The following FOXK1 variants were observed in gnomAD, a reference collection of about 807,000 sequenced individuals.
The protein encoded by FOXK1 is forkhead box protein K1.
A neutral mutation model predicts 51.9 loss-of-function variants in FOXK1; 19 were observed. That is an observed-to-expected ratio of 0.37 (90% CI 0.26 to 0.54). The LOEUF (loss-of-function observed/expected upper bound fraction) is 0.54, where lower values mean the gene tolerates loss of function less well. Ranked by LOEUF, FOXK1 falls within the 20% of genes least tolerant of loss-of-function variation. The pLI is 0.87. For missense variants in FOXK1, 870 were observed against 1,032.7 expected, an observed-to-expected ratio of 0.84 and a Z score of 2.16; for synonymous variants, 537 against 482.6, an observed-to-expected ratio of 1.11 and a Z score of -1.48.
rs34815763 is a variant in FOXK1, at chr7:4,743,879, CTT to C, written c.746+2870_746+2871del. On this transcript the variant is annotated intron_variant, in intron 2 of 8. Coordinates refer to ENST00000328914, the MANE Select transcript of FOXK1 (RefSeq NM_001037165.2). The surrounding 1 kb of genome is among the most constrained non-coding windows in gnomAD (Gnocchi z 5.3). The stretch of plus-strand genomic sequence containing the variant: ...AGGTTGTAATCCAGCTAAACAGAAG[CTT>C]TTTTTTTTTTTTTGAGACGGAGTCT... Among the ~76,000 whole-genome samples, 1,832 of 136,802 alleles carry C rather than the reference CTT, an allele frequency of 0.013. 35 individuals carry two copies. Among genetic ancestry groups the C allele is most frequent in the African/African-American group, 0.046 (1,753 of 38,238 alleles). The allele number at this position is 136,802 out of a possible 152,430, so 89.7% of individuals were successfully genotyped here. A position where few individuals can be genotyped will look rare whatever the true frequency, so the allele number is the denominator to read the frequency against.
chr7:4,755,853 T>A lies in FOXK1; in HGVS notation c.1050+470T>A, dbSNP rs1780844324. Among the ~76,000 whole-genome samples the A allele has an allele frequency of 6.6e-6, 1 of 152,226 alleles. No individual in the cohort carries two copies. Among genetic ancestry groups the A allele is most frequent in the South Asian group, 2.1e-4 (1 of 4,836 alleles). On this transcript the variant is annotated intron_variant, in intron 4 of 8. Transcript: ENST00000328914. This position sits in a 1 kb window ranked among gnomAD's most constrained non-coding sequence, Gnocchi z 6.6. ...GTGATACCATTGTGTCTAAATACTC[T>A]TTTTTATTAGTTTCCTTCTTCTGAG...
Position 4,761,823 on chromosome 7 carries a change from G to C in FOXK1, c.1922-361G>C, listed in dbSNP as rs1780936074. 6.6e-6 allele frequency among the ~76,000 whole-genome samples: 1 copy of C among 152,144 alleles called. No homozygotes were observed. Among genetic ancestry groups the C allele is most frequent in the South Asian group, 2.1e-4 (1 of 4,826 alleles). On this transcript the variant is annotated intron_variant, in intron 8 of 8. Transcript: ENST00000328914. This position sits in a 1 kb window ranked among gnomAD's most constrained non-coding sequence, Gnocchi z 6.2. ...GGAAGGAGGAGAGTTGGGGTGCTGG[G>C]GTGCAAGGGTGCTGGGCGGGGGTGC...
intron 1 of FOXK1, among the ~76,000 whole-genome samples, chr7:4,713,178 A>G (rs1291565375): frequency 2.0e-5 from 3 of 152,228 alleles, no homozygotes; most frequent in African/African-American, 7.2e-5. Context: ...TGAAATAGTC[A>G]ACAAAGTTCA....
intron 1 of FOXK1, among the ~76,000 whole-genome samples, chr7:4,700,786 C>T (rs1371240041): frequency 6.6e-6 from 1 of 152,198 alleles, no homozygotes; most frequent in Non-Finnish European, 1.5e-5. Context: ...CACTACACTG[C>T]AGCCTGGGCA....
chr7:4,740,287 G>A (rs975024510), intron 1 of FOXK1, among the ~76,000 whole-genome samples: 3 of 152,032 alleles, frequency 2.0e-5, no homozygotes, highest in Admixed American at 1.3e-4. Flanking sequence ...AAAATTAGCC[G>A]GGCGTGGTGG....
rs1232946775 is a variant in FOXK1, at chr7:4,723,128, C to T, written c.561-17710C>T. Among the ~76,000 whole-genome samples the T allele has an allele frequency of 6.6e-6, 1 of 151,828 alleles. No homozygotes were observed. Among genetic ancestry groups the T allele is most frequent in the East Asian group, 1.9e-4 (1 of 5,160 alleles). The stretch of plus-strand genomic sequence containing the variant: ...AACGGCACCGTGCTCACTCCAACGC[C>T]GTGGCTGTGAGCGGAGCCAGCTTCA... On this transcript the variant is annotated intron_variant, in intron 1 of 8. Coordinates refer to ENST00000328914, the MANE Select transcript of FOXK1 (RefSeq NM_001037165.2). This position sits in a 1 kb window ranked among gnomAD's most constrained non-coding sequence, Gnocchi z 4.7.
In FOXK1 at chr7:4,731,886, C is replaced by T. The variant is rs1330171747; in HGVS notation, c.561-8952C>T. Among the ~76,000 whole-genome samples, 2 of 152,220 alleles carry T rather than the reference C, an allele frequency of 1.3e-5. No individual in the cohort carries two copies. Among genetic ancestry groups the T allele is most frequent in the Non-Finnish European group, 2.9e-5 (2 of 68,036 alleles). ...ATAACTGAAGCACATTTTCAGTAAC[C>T]GCTTGCTACGTGCCAGCCGTCCGGT... On this transcript the variant is annotated intron_variant, in intron 1 of 8. Transcript: ENST00000328914. This position sits in a 1 kb window ranked among gnomAD's most constrained non-coding sequence, Gnocchi z 5.3.
chr7:4,732,817 C>T (rs926029054), intron 1 of FOXK1, among the ~76,000 whole-genome samples: 2 of 152,218 alleles, frequency 1.3e-5, no homozygotes, highest in African/African-American at 4.8e-5. Flanking sequence ...CCCTCCTCAT[C>T]CGGAGCCGCG....
intron 1 of FOXK1, among the ~76,000 whole-genome samples, chr7:4,712,802 A>G (rs1166557319): frequency 1.3e-5 from 2 of 152,208 alleles, no homozygotes; most frequent in Non-Finnish European, 2.9e-5. Context: ...CTGCTCAAAC[A>G]GCCAGGGCAG....
intron 1 of FOXK1, among the ~76,000 whole-genome samples, chr7:4,684,399 A>G (rs567155053): frequency 1.7e-3 from 257 of 152,330 alleles, no homozygotes; most frequent in Middle Eastern, 6.8e-3. Flanking sequence ...GGTTACAGAT[A>G]TCGCATTGAA....
At chr7:4,684,213 G>T (rs1421606033) in intron 1 of FOXK1, among the ~76,000 whole-genome samples, 1 of 152,176 alleles carries the variant, frequency 6.6e-6, no homozygotes, top group Non-Finnish European at 1.5e-5. Flanking sequence ...TTTAGTGATT[G>T]CCTCTAACTC....
rs923254348 is a variant in FOXK1 at position 4,733,630 on chromosome 7, A to G, written c.561-7208A>G. Among the ~76,000 whole-genome samples the G allele has an allele frequency of 3.3e-5, 5 of 152,238 alleles. No individual in the cohort carries two copies. Among genetic ancestry groups the G allele is most frequent in the African/African-American group, 7.2e-5 (3 of 41,466 alleles). On this transcript the variant is annotated intron_variant, in intron 1 of 8. Coordinates refer to ENST00000328914, the MANE Select transcript of FOXK1 (RefSeq NM_001037165.2). The surrounding 1 kb of genome is among the most constrained non-coding windows in gnomAD (Gnocchi z 5.0). ...CTGTCTCCATGTTTGCTATAGAAGC[A>G]GGAGAGAAGGTGCTCTGGGAACTAC...
At chr7:4,710,490 G>A (rs899411661) in intron 1 of FOXK1, among the ~76,000 whole-genome samples, 1 of 152,212 alleles carries the variant, frequency 6.6e-6, no homozygotes, top group African/African-American at 2.4e-5. Context: ...CAGGAGAATC[G>A]CTTGAAGCCA....
chr7:4,695,454 A>G (rs557656295), intron 1 of FOXK1, among the ~76,000 whole-genome samples: 5 of 152,290 alleles, frequency 3.3e-5, no homozygotes, highest in East Asian at 1.9e-4. Context: ...GAAATGTTTT[A>G]TATCTGTGCT....
At position 4,708,049 on chromosome 7, in the gene FOXK1, C is replaced by G. The variant is rs150653703; in HGVS notation, c.560+25181C>G. Among the ~76,000 whole-genome samples the G allele has an allele frequency of 2.7e-3, 405 of 152,090 alleles. 4 individuals are homozygous for G. Among genetic ancestry groups the G allele is most frequent in the African/African-American group, 9.2e-3 (383 of 41,472 alleles). On this transcript the variant is annotated intron_variant, in intron 1 of 8. Coordinates refer to ENST00000328914, the MANE Select transcript of FOXK1 (RefSeq NM_001037165.2). ...AGAGAGTGCCCTGGTGCTGGGGTAC[C>G]GCCTAGTAACTGGTGGGGAGTGAAC...
At chr7:4,693,188 T>C (rs1325623815) in intron 1 of FOXK1, among the ~76,000 whole-genome samples, 2 of 152,230 alleles carry the variant, frequency 1.3e-5, no homozygotes, top group African/African-American at 2.4e-5. Flanking sequence ...GATCTTCTAA[T>C]GTTAATTATA....
intron 1 of FOXK1, among the ~76,000 whole-genome samples, chr7:4,706,446 G>A (rs1583187866): frequency 6.6e-6 from 1 of 152,172 alleles, no homozygotes; most frequent in Non-Finnish European, 1.5e-5. Context: ...AGGAATGCAG[G>A]CCTCTGGCCC....
rs564082043 is a variant in FOXK1, at chr7:4,723,851, G to T, written c.561-16987G>T. ...CCTGGCTGACTTCTTTGTATTTTTG[G>T]TAAAGATGGGGATCTCACTATGTTG... On this transcript the variant is annotated intron_variant, in intron 1 of 8. Transcript: ENST00000328914. The surrounding 1 kb of genome is among the most constrained non-coding windows in gnomAD (Gnocchi z 4.7). 6.6e-6 allele frequency among the ~76,000 whole-genome samples: 1 copy of T among 152,130 alleles called. No homozygotes were observed. Among genetic ancestry groups the T allele is most frequent in the East Asian group, 1.9e-4 (1 of 5,168 alleles).
At chr7:4,738,642 C>T (rs1201600824) in intron 1 of FOXK1, among the ~76,000 whole-genome samples, 3 of 152,156 alleles carry the variant, frequency 2.0e-5, no homozygotes, top group African/African-American at 7.2e-5. Flanking sequence ...CGACCACCCA[C>T]CCTTATCCCC....
Sources: allele counts gnomAD v4.1 joint callset (sites outside exome capture counted in the v4.1 genomes callset), GRCh38; gene constraint gnomAD v4.1.1; non-coding constraint Gnocchi (gnomAD v3.1); transcripts MANE v1.5; gene names NCBI Gene and HGNC (gene_info 2026-07-23, HGNC 2026-07-21).